DPP6: variants seen among roughly 807,000 people sequenced by gnomAD.
The protein encoded by DPP6 is dipeptidyl peptidase like 6.
DPP6 carries 69 observed loss-of-function variants against 122.6 expected under a neutral mutation model. The ratio of observed to expected loss-of-function variants is 0.56; its 90% confidence interval spans 0.46 to 0.69. DPP6 has a LOEUF of 0.69. Ranked by LOEUF, DPP6 falls within the 30% of genes least tolerant of loss-of-function variation. The pLI is 0.00. For synonymous variants in DPP6, 418 were observed against 433.1 expected (o/e 0.97, Z 0.43); for missense variants, 928 against 1,116.9 (o/e 0.83, Z 2.41).
At chr7:154,364,597 C>T (rs1392599648) in intron 1 of DPP6, among the ~76,000 whole-genome samples, 1 of 152,154 alleles carries the variant, frequency 6.6e-6, no homozygotes, top group East Asian at 1.9e-4. Context: ...CCTCTGCATC[C>T]CTTCGGTGAG....
At chr7:154,399,191 C>T (rs1391726779) in intron 1 of DPP6, among the ~76,000 whole-genome samples, 4 of 152,182 alleles carry the variant, frequency 2.6e-5, no homozygotes, top group Admixed American at 1.3e-4. Flanking sequence ...TCACCACCTT[C>T]CTTTTTTAAA....
chr7:154,091,260 G>A lies in DPP6; in HGVS notation c.243+38197G>A, dbSNP rs1469528103. ...ATCAGTGGGCACTCACAGCAAATAG[G>A]AATCCTCCGCCTCCCCTGCTTAGAA... On this transcript the variant is annotated intron_variant, in intron 1 of 25. Coordinates refer to ENST00000377770, the MANE Select transcript of DPP6 (RefSeq NM_130797.4). Among the ~76,000 whole-genome samples the A allele has an allele frequency of 4.6e-5, 7 of 152,310 alleles. No individual in the cohort carries two copies. In the East Asian group the frequency reaches 1.4e-3, roughly 29 times the overall value.
At chr7:154,417,082 C>G (rs1817087275) in intron 1 of DPP6, among the ~76,000 whole-genome samples, 1 of 152,158 alleles carries the variant, frequency 6.6e-6, no homozygotes. Context: ...TGATCGTTTT[C>G]TATGCACAGC....
chr7:153,916,016 G>C, intron 1 of DPP6, among the ~76,000 whole-genome samples: 1 of 151,848 alleles, frequency 6.6e-6, no homozygotes, highest in East Asian at 1.9e-4. Flanking sequence ...GCCCAGGCTG[G>C]AGTGCAGTGG....
intron 10 of DPP6, among the ~76,000 whole-genome samples, chr7:154,787,281 T>C (rs1438358130): frequency 6.6e-6 from 1 of 152,258 alleles, no homozygotes; most frequent in African/African-American, 2.4e-5. Context: ...TTGAGATTTC[T>C]TTTCTGGAAA....
chr7:153,828,697 T>C, the DPP6 span, among the ~76,000 whole-genome samples: 1 of 152,184 alleles, frequency 6.6e-6, no homozygotes, highest in Non-Finnish European at 1.5e-5. Context: ...CTCTGGATAG[T>C]GGGGCTGATA....
At chr7:154,369,271 T>C (rs1436264204) in intron 1 of DPP6, among the ~76,000 whole-genome samples, 1 of 151,776 alleles carries the variant, frequency 6.6e-6, no homozygotes, top group Admixed American at 6.6e-5. Context: ...GTTTTTGTAT[T>C]TTTAGTAGAG....
At chr7:154,030,722 G>C (rs1799181806) in intron 1 of DPP6, among the ~76,000 whole-genome samples, 3 of 152,028 alleles carry the variant, frequency 2.0e-5, no homozygotes, top group African/African-American at 7.3e-5. Flanking sequence ...GAATTGCTGG[G>C]AGATTCAGCG....
the DPP6 span, among the ~76,000 whole-genome samples, chr7:153,790,296 A>G: frequency 6.6e-6 from 1 of 152,164 alleles, no homozygotes; most frequent in Non-Finnish European, 1.5e-5. Context: ...CTCTAGGGAT[A>G]TTATCCAAGT....
intron 1 of DPP6, among the ~76,000 whole-genome samples, chr7:153,893,662 A>G (rs543672189): frequency 6.6e-6 from 1 of 152,340 alleles, no homozygotes; most frequent in Non-Finnish European, 1.5e-5. Context: ...TGATGCATCA[A>G]TCTTCTTTAT....
At chr7:154,148,072 G>A (rs1402829163) in intron 1 of DPP6, among the ~76,000 whole-genome samples, 2 of 148,892 alleles carry the variant, frequency 1.3e-5, no homozygotes, top group East Asian at 1.9e-4. Context: ...CCGTGAAGGT[G>A]TCCTGGTAGC....
intron 1 of DPP6, among the ~76,000 whole-genome samples, chr7:154,404,187 A>G (rs1314414367): frequency 6.6e-6 from 1 of 152,222 alleles, no homozygotes; most frequent in Non-Finnish European, 1.5e-5. Flanking sequence ...CCGCTGTCTA[A>G]TCACACTTCA....
At chr7:154,309,845 G>T (rs1165496565) in intron 1 of DPP6, among the ~76,000 whole-genome samples, 1 of 152,166 alleles carries the variant, frequency 6.6e-6, no homozygotes, top group Admixed American at 6.5e-5. Flanking sequence ...GGGGTTGGTG[G>T]CCCTTTCACA....
chr7:153,898,381 G>A (rs1799497592), intron 1 of DPP6, among the ~76,000 whole-genome samples: 1 of 152,202 alleles, frequency 6.6e-6, no homozygotes, highest in Non-Finnish European at 1.5e-5. Flanking sequence ...GAGGCCAGGA[G>A]TTCAAGGTTA....
In DPP6 at chr7:154,256,125, G is replaced by T. The variant is rs962310579; in HGVS notation, c.244-190089G>T. ...GGAAGATATATTCCACTGTAGACTC[G>T]AACATGATTTGATTAAAGTCTGACT... On this transcript the variant is annotated intron_variant, in intron 1 of 25. Transcript: ENST00000377770. 2.0e-5 allele frequency among the ~76,000 whole-genome samples: 3 copies of T among 152,220 alleles called. No individual in the cohort carries two copies. In the South Asian group the frequency reaches 6.2e-4, roughly 32 times the overall value.
chr7:154,120,155 C>T (rs955876973), intron 1 of DPP6, among the ~76,000 whole-genome samples: 1 of 152,002 alleles, frequency 6.6e-6, no homozygotes, highest in African/African-American at 2.4e-5. Flanking sequence ...GTTTTTTACA[C>T]TTTATAATTT....
the DPP6 span, among the ~76,000 whole-genome samples, chr7:153,838,582 C>T: frequency 1.3e-5 from 2 of 152,184 alleles, no homozygotes; most frequent in East Asian, 3.9e-4. Context: ...CAAAGGATGT[C>T]TGTGAGAATC....
intron 11 of DPP6, among the ~76,000 whole-genome samples, chr7:154,795,526 T>TGACC (rs1368818532): frequency 6.6e-6 from 1 of 152,176 alleles, no homozygotes; most frequent in African/African-American, 2.4e-5. Context: ...CGGGCAGTGA[T>TGACC]GACCGCCCCC....
At chr7:154,567,271 G>T (rs1409523636) in intron 5 of DPP6, among the ~76,000 whole-genome samples, 2 of 152,154 alleles carry the variant, frequency 1.3e-5, no homozygotes, top group Non-Finnish European at 2.9e-5. Flanking sequence ...AAAAGCAACT[G>T]CCAGGTTCTC....
Sources: gnomAD v4.1 joint callset for allele counts (sites outside exome capture counted in the v4.1 genomes callset) on GRCh38, gnomAD v4.1.1 for gene constraint, MANE v1.5 for transcripts, NCBI Gene and HGNC (gene_info 2026-07-23, HGNC 2026-07-21) for gene names.